The following FER1L5 variants were observed in gnomAD, a reference collection of about 807,000 sequenced individuals.
FER1L5 encodes the protein fer-1 like family member 5.
Under a neutral mutation model 279.9 loss-of-function variants are expected in FER1L5, and 187 were observed. That is an observed-to-expected ratio of 0.67 (90% CI 0.59 to 0.75). The LOEUF (loss-of-function observed/expected upper bound fraction) is 0.75, where lower values mean the gene tolerates loss of function less well. Ranked by LOEUF, FER1L5 falls within the 30% of genes least tolerant of loss-of-function variation. The pLI is 0.00. For missense variants in FER1L5, 2,091 were observed against 2,594.4 expected (o/e 0.81, Z 4.21); for synonymous variants, 921 against 989.7 (o/e 0.93, Z 1.30).
At chr2:96,660,032 C>G (rs981185228) in intron 9 of FER1L5, among the ~76,000 whole-genome samples, 5 of 152,296 alleles carry the variant, frequency 3.3e-5, no homozygotes, top group Non-Finnish European at 7.3e-5. Flanking sequence ...CCTTCCCTGA[C>G]CCAGGAGTAG....
At chr2:96,695,305 C>A (rs2077326876) in intron 34 of FER1L5, 2 of 651,534 alleles carry the variant, frequency 3.1e-6, no homozygotes, top group African/African-American at 1.9e-5. Flanking sequence ...AGCGTCCCAG[C>A]CCCGAGGGCA....
intron 6 of FER1L5, among the ~76,000 whole-genome samples, chr2:96,651,154 T>C (rs1163717453): frequency 6.6e-6 from 1 of 152,240 alleles, no homozygotes; most frequent in Non-Finnish European, 1.5e-5. Context: ...AGCCTGTGTC[T>C]CCAAGTCCAT....
intron 9 of FER1L5, among the ~76,000 whole-genome samples, chr2:96,659,779 C>G (rs1284232430): frequency 6.6e-6 from 1 of 152,016 alleles, no homozygotes; most frequent in Non-Finnish European, 1.5e-5. Context: ...GCGTGAGCCA[C>G]TGCGTCCGGC....
Position 96,689,271 on chromosome 2 carries a change from C to T in FER1L5, c.2420C>T (p.Pro807Leu). 1.3e-6 allele frequency: 2 copies of T among 1,550,526 alleles called. No homozygotes were observed. The highest frequency in any genetic ancestry group is 1.2e-5 in the South Asian group (1 of 83,940). Residue 807 changes from proline to leucine, a missense_variant, in exon 25 of 53, where the codon CCC becomes CTC. Pro to Leu is a moderately conservative substitution (Grantham distance 98, BLOSUM62 -3). Coordinates refer to ENST00000624922, the MANE Select transcript of FER1L5 (RefSeq NM_001293083.2). The surrounding 1 kb of genome is among the most constrained non-coding windows in gnomAD (Gnocchi z 4.6). The stretch of plus-strand genomic sequence containing the variant: ...GGGCAGCAGGGGCTGTATCACTGCC[C>T]CAACTTCTCGGATGTCATGGGGAAC... ...QWGQQGLYHC[P>L]NFSDVMGNKT...
chr2:96,691,303 A>G lies in FER1L5; in HGVS notation c.2857A>G (p.Asn953Asp), dbSNP rs539599843. Reference sequence around the variant, plus strand: ...GCGCTGGGCGCGTGTGCGCTTCAGGAACCATGGGGAGCTGAGCCACGAGCA... The same window carrying G: ...GCGCTGGGCGCGTGTGCGCTTCAGGGACCATGGGGAGCTGAGCCACGAGCA... Reference protein sequence around the residue: ...RRRWARVRFRNHGELSHEQET... With the variant: ...RRRWARVRFRDHGELSHEQET... The change falls in exon 28 of 53, where the codon AAC becomes GAC. Residue 953 changes from asparagine (N) to aspartate (D), a missense_variant. Physicochemically the swap from Asn to Asp is conservative, Grantham distance 23. Coordinates refer to ENST00000624922, the MANE Select transcript of FER1L5 (RefSeq NM_001293083.2). This position sits in a 1 kb window ranked among gnomAD's most constrained non-coding sequence, Gnocchi z 6.0. The G allele has an allele frequency of 2.5e-5, 38 of 1,550,550 alleles. No individual in the cohort carries two copies. The African/African-American group carries it at 4.1e-4, about 17-fold the overall frequency.
chr2:96,662,942 C>T (rs2076005922), intron 13 of FER1L5, among the ~76,000 whole-genome samples: 1 of 152,172 alleles, frequency 6.6e-6, no homozygotes, highest in Non-Finnish European at 1.5e-5. Context: ...ACGCAGTTCT[C>T]AAAAATTTTG....
chr2:96,698,098 C>A lies in FER1L5; in HGVS notation c.4298C>A (p.Thr1433Asn). Residue 1433 changes from threonine (T) to asparagine (N), a missense_variant, in exon 40 of 53, where the codon ACC (threonine) becomes AAC (asparagine). Thr to Asn is a moderately conservative substitution (Grantham distance 65). Coordinates refer to ENST00000624922, the MANE Select transcript of FER1L5 (RefSeq NM_001293083.2). The surrounding 1 kb of genome is among the most constrained non-coding windows in gnomAD (Gnocchi z 5.5). ...CAGGGCCTGCAGGACTTCTGCCAGA[C>A]CTTCAAACTCTACCAGGAGCAGCCC... ...AFQGLQDFCQ[T>N]FKLYQEQPKL... The A allele has an allele frequency of 6.3e-7, 1 of 1,589,092 alleles. No homozygotes were observed.
At position 96,702,813 on chromosome 2, in the gene FER1L5, A is replaced by AC; in HGVS notation, c.5397+76dup. 6.3e-7 allele frequency: 1 copy of AC among 1,578,200 alleles called. No homozygotes were observed. Among genetic ancestry groups the AC allele is most frequent in the South Asian group, 1.2e-5 (1 of 86,930 alleles). On this transcript the variant is annotated intron_variant, in intron 48 of 52. Coordinates refer to ENST00000624922, the MANE Select transcript of FER1L5 (RefSeq NM_001293083.2). This position sits in a 1 kb window ranked among gnomAD's most constrained non-coding sequence, Gnocchi z 4.0. The stretch of plus-strand genomic sequence containing the variant: ...CCAGGCTCCTGGAGCTCCTCCCCCC[A>AC]CCCCTCCAGAGGCTTGCAATCTGTC...
intron 30 of FER1L5, 65 bp downstream of exon 30, chr2:96,692,028 G>GC: frequency 9.7e-7 from 1 of 1,028,058 alleles, no homozygotes; most frequent in African/African-American, 1.6e-5. Context: ...GCGGGGGGGG[G>GC]GGACAGGGTG....
At chr2:96,685,813 A>G (rs944273959) in intron 21 of FER1L5, 127 bp from the exon 22 acceptor site, 4 of 1,212,732 alleles carry the variant, frequency 3.3e-6, no homozygotes, top group Non-Finnish European at 4.5e-6. Flanking sequence ...CTCCTGGGCC[A>G]GGCTAGCAGC....
chr2:96,693,944 C>T lies in FER1L5; in HGVS notation c.3508C>T (p.Pro1170Ser). 6.4e-7 allele frequency: 1 copy of T among 1,551,200 alleles called. No individual in the cohort carries two copies. Among genetic ancestry groups the T allele is most frequent in the African/African-American group, 1.4e-5 (1 of 73,142 alleles). The change falls in exon 33 of 53, where the codon CCC (proline) becomes TCC (serine). Residue 1170 changes from proline to serine, a missense_variant. By Grantham distance (74) the Pro-to-Ser change is moderately conservative (BLOSUM62 -1). Transcript: ENST00000624922. ...GAGCTTGTGGGGACGGAGCGTGTGGCCCCCAATGGTCTGGCTGGATCTCCA... is the reference window on the plus strand; with the variant it reads ...GAGCTTGTGGGGACGGAGCGTGTGGTCCCCAATGGTCTGGCTGGATCTCCA... ...KESLWGRSVW[P>S]PMVWLDLQDR...
rs1573835482 is a variant in FER1L5 at position 96,663,521 on chromosome 2, A to C, written c.1140+14A>C. The C allele has an allele frequency of 1.3e-6, 2 of 1,551,266 alleles. No homozygotes were observed. The highest frequency in any genetic ancestry group is 8.7e-7 in the Non-Finnish European group (1 of 1,146,682). On this transcript the variant is annotated intron_variant, in intron 14 of 52. Coordinates refer to ENST00000624922, the MANE Select transcript of FER1L5 (RefSeq NM_001293083.2). ...TTCCGGATTCAGGTATGGCTCCTCC[A>C]TCATGCCCACCCTTCTCCCACATCC...
At position 96,662,039 on chromosome 2, in the gene FER1L5, C is replaced by T. The variant is rs188348947; in HGVS notation, c.1019-176C>T. Reference sequence around the variant, plus strand: ...CAAACTCAAGGCTCCCTATGTCCCCCCACCCCATGCCATTGTGTGGAAGAA... The same window carrying T: ...CAAACTCAAGGCTCCCTATGTCCCCTCACCCCATGCCATTGTGTGGAAGAA... On this transcript the variant is annotated intron_variant, in intron 12 of 52. Coordinates refer to ENST00000624922, the MANE Select transcript of FER1L5 (RefSeq NM_001293083.2). Among the ~76,000 whole-genome samples the T allele has an allele frequency of 1.3e-3, 202 of 152,242 alleles. 1 individual carries two copies. Among genetic ancestry groups the T allele is most frequent in the African/African-American group, 4.6e-3 (191 of 41,556 alleles).
At position 96,691,247 on chromosome 2, in the gene FER1L5, TGGA is replaced by T; in HGVS notation, c.2803_2805del (p.Glu935del). 2 of 1,550,322 alleles carry T rather than the reference TGGA, an allele frequency of 1.3e-6. No homozygotes were observed. The highest frequency in any genetic ancestry group is 1.7e-6 in the Non-Finnish European group (2 of 1,146,848). On this transcript the variant is annotated inframe_deletion, in exon 28 of 53. Coordinates refer to ENST00000624922, the MANE Select transcript of FER1L5 (RefSeq NM_001293083.2). This position sits in a 1 kb window ranked among gnomAD's most constrained non-coding sequence, Gnocchi z 6.0. Reference sequence around the variant, plus strand: ...GGCCTGCCCCAGGTCTGGAGCCCGGTGGAGAAGACCTACCACTCGTGCCGCCGC... The same window carrying T: ...GGCCTGCCCCAGGTCTGGAGCCCGGTGAAGACCTACCACTCGTGCCGCCGC...
At chr2:96,703,389 CAT>C in intron 50 of FER1L5, 43 bp downstream of exon 50, 1 of 1,596,372 alleles carries the variant, frequency 6.3e-7, no homozygotes, top group Non-Finnish European at 8.5e-7. Context: ...TGCTATGCCA[CAT>C]GTCCTGGCTC....
chr2:96,647,684 G>A (rs1002071492), intron 3 of FER1L5, 94 bp from the exon 4 acceptor site: 8 of 892,556 alleles, frequency 9.0e-6, no homozygotes, highest in East Asian at 2.6e-5. Flanking sequence ...ACAGCCCTGG[G>A]AGGAAACCGT....
chr2:96,649,798 A>C, intron 5 of FER1L5, 121 bp downstream of exon 5: 1 of 976,546 alleles, frequency 1.0e-6, no homozygotes, highest in South Asian at 1.5e-5. Context: ...GAATGTGACC[A>C]GGCTAGGGTC....
intron 12 of FER1L5, 148 bp downstream of exon 12, chr2:96,661,939 C>T (rs1040833758): frequency 8.1e-7 from 1 of 1,230,842 alleles, no homozygotes; most frequent in Admixed American, 2.3e-5. Flanking sequence ...TGCTCCCAGA[C>T]TTGTCCTGTG....
Position 96,698,948 on chromosome 2 carries a change from G to T in FER1L5, c.4519-97G>T, listed in dbSNP as rs1573968155. 5.9e-6 allele frequency: 9 copies of T among 1,530,302 alleles called. No individual in the cohort carries two copies. Among genetic ancestry groups the T allele is most frequent in the Non-Finnish European group, 8.0e-6 (9 of 1,128,630 alleles). 94.8% of individuals were successfully genotyped at this position (1,530,302 alleles called of 1,614,324 possible). ...GCCAACTCCCCATAGGCTCCGTGTG[G>T]TGCGAGGGGCTTGTTTCCACCCTCC... On this transcript the variant is annotated intron_variant, in intron 41 of 52. Coordinates refer to ENST00000624922, the MANE Select transcript of FER1L5 (RefSeq NM_001293083.2). This position sits in a 1 kb window ranked among gnomAD's most constrained non-coding sequence, Gnocchi z 5.5.
Sources: allele counts gnomAD v4.1 joint callset (sites outside exome capture counted in the v4.1 genomes callset), GRCh38; gene constraint gnomAD v4.1.1; non-coding constraint Gnocchi (gnomAD v3.1); transcripts MANE v1.5; gene names NCBI Gene and HGNC (gene_info 2026-07-23, HGNC 2026-07-21).